TECRL: variants seen among roughly 807,000 people sequenced by gnomAD.
TECRL encodes trans-2,3-enoyl-CoA reductase like.
A neutral mutation model predicts 52.8 loss-of-function variants in TECRL; 63 were observed. That is an observed-to-expected ratio of 1.19 (90% CI 0.97 to 1.47). The LOEUF is 1.47. Ranked by LOEUF, TECRL falls within the 40% of genes most tolerant of loss-of-function variation. The probability of loss-of-function intolerance (pLI) is 0.00; values close to 1 mark genes in which losing one functional copy is unlikely to be tolerated. For missense variants in TECRL, 482 were observed against 429.6 expected, an observed-to-expected ratio of 1.12 and a Z score of -1.08; for synonymous variants, 164 against 141.9, an observed-to-expected ratio of 1.16 and a Z score of -1.10.
intron 2 of TECRL, among the ~76,000 whole-genome samples, chr4:64,343,766 T>A (rs888094309): frequency 6.6e-6 from 1 of 152,094 alleles, no homozygotes; most frequent in East Asian, 1.9e-4. Flanking sequence ...AATGATTTTC[T>A]TTCAAAATCT....
chr4:64,343,102 A>G (rs538926845), intron 2 of TECRL, among the ~76,000 whole-genome samples: 1 of 152,134 alleles, frequency 6.6e-6, no homozygotes, highest in Non-Finnish European at 1.5e-5. Context: ...GGGGGAATAA[A>G]GGGTGATGAA....
At chr4:64,292,623 T>C (rs1235531215) in intron 8 of TECRL, among the ~76,000 whole-genome samples, 1 of 152,030 alleles carries the variant, frequency 6.6e-6, no homozygotes, top group African/African-American at 2.4e-5. Flanking sequence ...AATTGTACTT[T>C]TAGTCAAAAA....
Position 64,309,934 on chromosome 4 carries a change from G to A in TECRL, c.552-3C>T. 2 of 1,556,740 alleles carry A rather than the reference G, an allele frequency of 1.3e-6. No homozygotes were observed. The highest frequency in any genetic ancestry group is 1.7e-6 in the Non-Finnish European group (2 of 1,146,242). Reference sequence around the variant, plus strand: ...TACAATGACAGAAGCAAGCCAAGCTGGAAAAAAAAATAAAACATAAACATG... The same window carrying A: ...TACAATGACAGAAGCAAGCCAAGCTAGAAAAAAAAATAAAACATAAACATG... On this transcript the variant is annotated splice_region_variant and splice_polypyrimidine_tract_variant and intron_variant, in intron 5 of 11. Transcript: ENST00000381210.
intron 1 of TECRL, 27 bp downstream of exon 1, chr4:64,409,091 A>G: frequency 6.5e-7 from 1 of 1,538,706 alleles, no homozygotes; most frequent in African/African-American, 1.4e-5. Context: ...TAAACAAACA[A>G]ACAAATAAAT....
intron 2 of TECRL, among the ~76,000 whole-genome samples, chr4:64,331,563 A>T (rs1218451530): frequency 1.3e-5 from 2 of 152,174 alleles, no homozygotes; most frequent in African/African-American, 2.4e-5. Flanking sequence ...CATCACAAAT[A>T]TGGAATCTCA....
chr4:64,351,091 T>A (rs898036128), intron 2 of TECRL, among the ~76,000 whole-genome samples: 49 of 115,210 alleles, frequency 4.3e-4, no homozygotes, highest in Non-Finnish European at 8.3e-4. Context: ...ACTAAATAAG[T>A]TGATCTCATG....
At chr4:64,400,612 TG>T (rs1560561764) in intron 1 of TECRL, among the ~76,000 whole-genome samples, 1 of 152,130 alleles carries the variant, frequency 6.6e-6, no homozygotes, top group South Asian at 2.1e-4. Flanking sequence ...GATTGGATCA[TG>T]GGGGAAGATT....
intron 1 of TECRL, among the ~76,000 whole-genome samples, chr4:64,403,475 G>GCGCGCGCACACACACACA (rs59253067): frequency 2.0e-5 from 3 of 148,238 alleles, no homozygotes; most frequent in Admixed American, 6.8e-5. Context: ...CTCCCTGAGC[G>GCGCGCGCACACACACACA]CACACACACA....
intron 2 of TECRL, among the ~76,000 whole-genome samples, chr4:64,335,702 T>A (rs1719025198): frequency 6.6e-6 from 1 of 152,170 alleles, no homozygotes; most frequent in Non-Finnish European, 1.5e-5. Context: ...ATATAAAACT[T>A]TTCTTCCTCT....
chr4:64,371,482 T>TA (rs1279098726), intron 2 of TECRL, among the ~76,000 whole-genome samples: 8 of 151,734 alleles, frequency 5.3e-5, no homozygotes, highest in African/African-American at 1.9e-4. Flanking sequence ...GAATCTCTGT[T>TA]AGAGATTTCC....
intron 7 of TECRL, 45 bp downstream of exon 7, chr4:64,305,121 G>C: frequency 6.5e-6 from 9 of 1,384,660 alleles, no homozygotes; most frequent in Non-Finnish European, 8.9e-6. Context: ...GAGTTTTTAG[G>C]TTGGTCCTTT....
intron 1 of TECRL, among the ~76,000 whole-genome samples, chr4:64,385,750 C>G (rs1436919537): frequency 6.6e-6 from 1 of 152,106 alleles, no homozygotes; most frequent in Non-Finnish European, 1.5e-5. Flanking sequence ...TGAACTCCCT[C>G]TCTGGAATAA....
chr4:64,339,921 C>A lies in TECRL; in HGVS notation c.287-11365G>T, dbSNP rs528410337. Among the ~76,000 whole-genome samples, 181 of 152,278 alleles carry A rather than the reference C, an allele frequency of 1.2e-3. 1 individual carries two copies. Among genetic ancestry groups the A allele is most frequent in the Non-Finnish European group, 2.1e-3 (143 of 68,028 alleles). ...GCTATTCTGGACTAAATTATAGGATCCATAACAAATCACAACCTGAGGAAC... is the reference window on the plus strand; with the variant it reads ...GCTATTCTGGACTAAATTATAGGATACATAACAAATCACAACCTGAGGAAC... On this transcript the variant is annotated intron_variant, in intron 2 of 11. Coordinates refer to ENST00000381210, the MANE Select transcript of TECRL (RefSeq NM_001010874.5).
intron 2 of TECRL, among the ~76,000 whole-genome samples, chr4:64,329,636 G>A (rs1378559776): frequency 1.3e-5 from 2 of 151,740 alleles, no homozygotes; most frequent in African/African-American, 4.8e-5. Context: ...CCTAAAACTA[G>A]TAAATCAAAA....
At chr4:64,402,844 C>A (rs1049992191) in intron 1 of TECRL, among the ~76,000 whole-genome samples, 1 of 152,084 alleles carries the variant, frequency 6.6e-6, no homozygotes, top group Non-Finnish European at 1.5e-5. Context: ...AGTGAACTCA[C>A]GTGTCTTATC....
chr4:64,339,007 A>G (rs1719342443), intron 2 of TECRL, among the ~76,000 whole-genome samples: 1 of 152,060 alleles, frequency 6.6e-6, no homozygotes, highest in Non-Finnish European at 1.5e-5. Context: ...GGCACTAGTC[A>G]CAATAGCAAA....
At chr4:64,370,706 T>C (rs1226944556) in intron 2 of TECRL, among the ~76,000 whole-genome samples, 2 of 151,740 alleles carry the variant, frequency 1.3e-5, no homozygotes, top group African/African-American at 2.4e-5. Context: ...GAAAGAAATG[T>C]GATCTAGAAA....
chr4:64,298,008 T>C lies in TECRL; in HGVS notation c.774+1966A>G, dbSNP rs77334054. On this transcript the variant is annotated intron_variant, in intron 8 of 11. Transcript: ENST00000381210. Reference sequence around the variant, plus strand: ...TCTTATTTCTAAATTTGGTTTTCTATGGAATATAACTACATTCAATTTTTT... The same window carrying C: ...TCTTATTTCTAAATTTGGTTTTCTACGGAATATAACTACATTCAATTTTTT... Among the ~76,000 whole-genome samples, 1,223 of 151,320 alleles carry C rather than the reference T, an allele frequency of 8.1e-3. 8 individuals are homozygous for C. Among genetic ancestry groups the C allele is most frequent in the Non-Finnish European group, 0.014 (965 of 67,306 alleles).
At chr4:64,303,095 A>T (rs1724114770) in intron 7 of TECRL, among the ~76,000 whole-genome samples, 1 of 151,502 alleles carries the variant, frequency 6.6e-6, no homozygotes, top group African/African-American at 2.4e-5. Flanking sequence ...GCAATATATA[A>T]GCAATTTCTA....
Sources: allele counts gnomAD v4.1 joint callset (sites outside exome capture counted in the v4.1 genomes callset), GRCh38; gene constraint gnomAD v4.1.1; transcripts MANE v1.5; gene names NCBI Gene and HGNC (gene_info 2026-07-23, HGNC 2026-07-21).